PDE4D: variants seen among roughly 807,000 people sequenced by gnomAD.
PDE4D encodes 3',5'-cyclic-AMP phosphodiesterase 4D.
PDE4D carries 24 observed loss-of-function variants against 87.4 expected under a neutral mutation model. The ratio of observed to expected loss-of-function variants is 0.27; its 90% confidence interval spans 0.20 to 0.39. The LOEUF is 0.39. Ranked by LOEUF, PDE4D falls within the 10% of genes least tolerant of loss-of-function variation. The pLI is 1.00. For synonymous variants in PDE4D, 384 were observed against 383.2 expected (o/e 1.00, Z -0.02); for missense variants, 714 against 1,041.0 (o/e 0.69, Z 4.32).
At chr5:59,665,005 A>G (rs1358197629) in intron 1 of PDE4D, among the ~76,000 whole-genome samples, 1 of 152,234 alleles carries the variant, frequency 6.6e-6, no homozygotes, top group Non-Finnish European at 1.5e-5. Flanking sequence ...TAACGTAATG[A>G]TTCTTTTCAT....
intron 1 of PDE4D, among the ~76,000 whole-genome samples, chr5:59,889,421 C>T (rs534323355): frequency 8.0e-4 from 122 of 151,768 alleles, no homozygotes; most frequent in Non-Finnish European, 1.4e-3. Flanking sequence ...TTCAAGGCTA[C>T]AGTGAGCTAT....
chr5:58,975,885 T>TC lies in PDE4D; in HGVS notation c.1831-47_1831-46insG. 2 of 1,161,356 alleles carry TC rather than the reference T, an allele frequency of 1.7e-6. No individual in the cohort carries two copies. Among genetic ancestry groups the TC allele is most frequent in the Non-Finnish European group, 2.2e-6 (2 of 900,108 alleles). 71.9% of individuals were successfully genotyped at this position (1,161,356 alleles called of 1,614,324 possible). ...CTCTATTCACTCCTGTTCCTTTTTTTTAAAAAAAAAAACAAAAAAAACTAG... is the reference window on the plus strand; with the variant it reads ...CTCTATTCACTCCTGTTCCTTTTTTTCTAAAAAAAAAAACAAAAAAAACTAG... On this transcript the variant is annotated intron_variant, in intron 13 of 14. Coordinates refer to ENST00000340635, the MANE Select transcript of PDE4D (RefSeq NM_001104631.2). The surrounding 1 kb of genome is among the most constrained non-coding windows in gnomAD (Gnocchi z 4.2).
chr5:59,242,444 C>T (rs1426715350), intron 1 of PDE4D, among the ~76,000 whole-genome samples: 1 of 152,084 alleles, frequency 6.6e-6, no homozygotes, highest in Non-Finnish European at 1.5e-5. Context: ...TTGATCTCAA[C>T]TCAATTTCAA....
At position 60,070,996 on chromosome 5, in the gene PDE4D, C is replaced by A. The variant is rs150563847; in HGVS notation, c.43-82279G>T. On this transcript the variant is annotated intron_variant, in intron 2 of 16. Coordinates refer to the PDE4D transcript ENST00000502484. Reference sequence around the variant, plus strand: ...TTGTTCATAGTTATCTCTTTTGATTCTTTCTTATTTTGTGGCATCATTTGT... The same window carrying A: ...TTGTTCATAGTTATCTCTTTTGATTATTTCTTATTTTGTGGCATCATTTGT... 4.9e-3 allele frequency among the ~76,000 whole-genome samples: 747 copies of A among 151,852 alleles called. 1 individual carries two copies. Among genetic ancestry groups the A allele is most frequent in the African/African-American group, 0.017 (715 of 41,466 alleles).
chr5:60,064,615 T>C (rs1175843528), intron 2 of PDE4D, among the ~76,000 whole-genome samples: 1 of 152,126 alleles, frequency 6.6e-6, no homozygotes, highest in Non-Finnish European at 1.5e-5. Flanking sequence ...ACTATCAGCA[T>C]AAAGCCACAT....
intron 1 of PDE4D, among the ~76,000 whole-genome samples, chr5:59,592,306 A>G (rs969342858): frequency 6.6e-6 from 1 of 152,224 alleles, no homozygotes; most frequent in African/African-American, 2.4e-5. Flanking sequence ...CTGAACATTT[A>G]TAACTGAAAT....
chr5:59,296,207 G>A (rs1769059362), intron 1 of PDE4D, among the ~76,000 whole-genome samples: 1 of 152,044 alleles, frequency 6.6e-6, no homozygotes, highest in African/African-American at 2.4e-5. Flanking sequence ...TTTATGTTGA[G>A]TGGCTAATGC....
intron 2 of PDE4D, among the ~76,000 whole-genome samples, chr5:60,046,948 G>C (rs1318227142): frequency 6.6e-6 from 1 of 152,174 alleles, no homozygotes; most frequent in Non-Finnish European, 1.5e-5. Flanking sequence ...AATGGTACCA[G>C]CTCCTCCTTG....
chr5:59,188,707 G>A (rs1295365053), intron 3 of PDE4D, among the ~76,000 whole-genome samples: 2 of 152,108 alleles, frequency 1.3e-5, no homozygotes, highest in African/African-American at 4.8e-5. Context: ...TCATTACTTC[G>A]GTTTTACCTC....
At chr5:59,010,346 C>G (rs1874859) in intron 6 of PDE4D, among the ~76,000 whole-genome samples, 15,713 of 151,536 alleles carry the variant, frequency 0.1, 1,294 homozygotes, top group East Asian at 0.48. Flanking sequence ...ATAAGAGAAG[C>G]CTTTAGGTGA....
At chr5:59,334,852 TAATAAG>T (rs1210524795) in intron 1 of PDE4D, among the ~76,000 whole-genome samples, 4 of 152,126 alleles carry the variant, frequency 2.6e-5, no homozygotes, top group East Asian at 3.9e-4. Flanking sequence ...GAGATCAACC[TAATAAG>T]AATAACAGAA....
At chr5:59,417,453 A>C in intron 1 of PDE4D, among the ~76,000 whole-genome samples, 1 of 152,166 alleles carries the variant, frequency 6.6e-6, no homozygotes, top group East Asian at 1.9e-4. Flanking sequence ...TAACACACAA[A>C]TATCCATGTC....
At chr5:59,996,676 C>T (rs984394421) in intron 2 of PDE4D, among the ~76,000 whole-genome samples, 1 of 152,062 alleles carries the variant, frequency 6.6e-6, no homozygotes, top group Non-Finnish European at 1.5e-5. Flanking sequence ...GCTATTATTG[C>T]CCAAATAACT....
chr5:59,610,144 A>T (rs1828798942), intron 1 of PDE4D, among the ~76,000 whole-genome samples: 1 of 152,180 alleles, frequency 6.6e-6, no homozygotes, highest in Admixed American at 6.6e-5. Context: ...GGTCACTGGT[A>T]GAGCAGAGAC....
intron 1 of PDE4D, among the ~76,000 whole-genome samples, chr5:59,736,938 A>C (rs1382871279): frequency 6.6e-6 from 1 of 152,206 alleles, no homozygotes; most frequent in Non-Finnish European, 1.5e-5. Context: ...TTAATACAAA[A>C]GTATTACTTT....
Position 60,384,816 on chromosome 5 carries a change from C to T in PDE4D, c.-90+103126G>A, listed in dbSNP as rs118118099. Among the ~76,000 whole-genome samples the T allele has an allele frequency of 7.2e-5, 11 of 152,278 alleles. No homozygotes were observed. The East Asian group carries it at 1.7e-3, about 24-fold the overall frequency. Reference sequence around the variant, plus strand: ...GGGGTGTCGCAACTAGTCCTCTTCCCCAATGCCTACACTGTCCATGGAAAT... The same window carrying T: ...GGGGTGTCGCAACTAGTCCTCTTCCTCAATGCCTACACTGTCCATGGAAAT... On this transcript the variant is annotated intron_variant, in intron 1 of 16. Coordinates refer to the PDE4D transcript ENST00000502484.
At chr5:60,238,796 T>A (rs879677026) in intron 1 of PDE4D, among the ~76,000 whole-genome samples, 1 of 152,058 alleles carries the variant, frequency 6.6e-6, no homozygotes, top group African/African-American at 2.4e-5. Flanking sequence ...CTGAAGTTTT[T>A]TAAAAATGTT....
intron 3 of PDE4D, among the ~76,000 whole-genome samples, chr5:59,186,429 T>C (rs983400490): frequency 3.9e-5 from 6 of 152,316 alleles, no homozygotes; most frequent in African/African-American, 1.4e-4. Flanking sequence ...AGCGTTACCT[T>C]TGACTTAATG....
chr5:59,731,741 A>C (rs1297753579), intron 1 of PDE4D, among the ~76,000 whole-genome samples: 5 of 152,132 alleles, frequency 3.3e-5, no homozygotes, highest in Non-Finnish European at 7.3e-5. Flanking sequence ...GTTGGAGTTA[A>C]TGTTTCCTTC....
Sources: allele counts gnomAD v4.1 joint callset (sites outside exome capture counted in the v4.1 genomes callset), GRCh38; gene constraint gnomAD v4.1.1; non-coding constraint Gnocchi (gnomAD v3.1); transcripts MANE v1.5; gene names NCBI Gene and HGNC (gene_info 2026-07-23, HGNC 2026-07-21).